HIBADH: variants seen among roughly 807,000 people sequenced by gnomAD.
The protein encoded by HIBADH is 3-hydroxyisobutyrate dehydrogenase.
HIBADH carries 25 observed loss-of-function variants against 36.1 expected under a neutral mutation model. The ratio of observed to expected loss-of-function variants is 0.69; its 90% CI spans 0.50 to 0.97. The LOEUF (loss-of-function observed/expected upper bound fraction) is 0.97, where lower values mean the gene tolerates loss of function less well. Ranked by LOEUF, HIBADH falls within the 50% of genes least tolerant of loss-of-function variation. The probability of loss-of-function intolerance (pLI) is 0.00; values close to 1 mark genes in which losing one functional copy is unlikely to be tolerated. For synonymous variants in HIBADH, 160 were observed against 149.5 expected (o/e 1.07, Z -0.51); for missense variants, 421 against 418.0 (o/e 1.01, Z -0.06).
intron 4 of HIBADH, among the ~76,000 whole-genome samples, chr7:27,599,609 G>C (rs1247564186): frequency 6.7e-6 from 1 of 148,834 alleles, no homozygotes. Context: ...GTGAACCCGG[G>C]AGGCGGAGCT....
intron 2 of HIBADH, among the ~76,000 whole-genome samples, chr7:27,645,881 A>G (rs1267623058): frequency 6.6e-6 from 1 of 152,102 alleles, no homozygotes; most frequent in Non-Finnish European, 1.5e-5. Flanking sequence ...TGATTTGCAA[A>G]TATTTTATCC....
At chr7:27,609,301 C>T (rs2391446) in intron 4 of HIBADH, among the ~76,000 whole-genome samples, 120,795 of 152,110 alleles carry the variant, frequency 0.79, 48,357 homozygotes, top group East Asian at 0.97. Context: ...ATATGAATTA[C>T]TGTCTATGAC....
chr7:27,638,548 C>A (rs1171537470), intron 2 of HIBADH, among the ~76,000 whole-genome samples: 1 of 151,968 alleles, frequency 6.6e-6, no homozygotes, highest in Non-Finnish European at 1.5e-5. Flanking sequence ...GATTTCAAGA[C>A]AAAGATATCA....
intron 2 of HIBADH, among the ~76,000 whole-genome samples, chr7:27,644,625 C>T (rs1481581075): frequency 2.2e-5 from 3 of 137,362 alleles, no homozygotes; most frequent in Non-Finnish European, 4.6e-5. Flanking sequence ...ATTAGCTGGG[C>T]GTGGTGGCGC....
Position 27,585,592 on chromosome 7 carries a change from TG to T in HIBADH, c.485-42493del, listed in dbSNP as rs1229764390. On this transcript the variant is annotated intron_variant, in intron 4 of 7. Coordinates refer to ENST00000265395, the MANE Select transcript of HIBADH (RefSeq NM_152740.4). ...ATATTATTTACCCTGTCTAATTCAC[TG>T]GGATGATATGAGAAATAATTAGGAA... Among the ~76,000 whole-genome samples the T allele has an allele frequency of 2.0e-5, 3 of 152,102 alleles. No individual in the cohort carries two copies. The East Asian group carries it at 5.8e-4, about 29-fold the overall frequency.
intron 4 of HIBADH, among the ~76,000 whole-genome samples, chr7:27,613,141 A>AATATATTTTATATAAATATATATATTTAT (rs1235467357): frequency 5.1e-5 from 6 of 118,746 alleles, no homozygotes; most frequent in Non-Finnish European, 8.6e-5. Flanking sequence ...TATTTATATA[A>AATATATTTTATATAAATATATATATTTAT]ATATATTTTA....
chr7:27,544,271 A>C (rs951304089), intron 4 of HIBADH, among the ~76,000 whole-genome samples: 5 of 152,220 alleles, frequency 3.3e-5, no homozygotes, highest in Admixed American at 2.6e-4. Context: ...CTATTGTCAA[A>C]TCAAATAGCT....
intron 4 of HIBADH, among the ~76,000 whole-genome samples, chr7:27,565,829 A>T (rs1364530442): frequency 6.6e-6 from 1 of 152,038 alleles, no homozygotes; most frequent in Non-Finnish European, 1.5e-5. Flanking sequence ...TTCTATTCCT[A>T]GTTTGCTGAG....
Position 27,527,917 on chromosome 7 carries a change from CGTTTTTTTT to C in HIBADH, c.853-1554_853-1546del, listed in dbSNP as rs1473133982. ...AGGCATTTGCCACCACCACACCCAGCGTTTTTTTTTTTTTTTTTTTTTTTTAGTAGAGAC... is the reference window on the plus strand; with the variant it reads ...AGGCATTTGCCACCACCACACCCAGCTTTTTTTTTTTTTTTTAGTAGAGAC... On this transcript the variant is annotated intron_variant, in intron 7 of 7. Coordinates refer to ENST00000265395, the MANE Select transcript of HIBADH (RefSeq NM_152740.4). Among the ~76,000 whole-genome samples the C allele has an allele frequency of 5.5e-3, 426 of 77,044 alleles. 66 individuals carry two copies. Among genetic ancestry groups the C allele is most frequent in the East Asian group, 4.6e-3 (14 of 3,020 alleles). 50.5% of individuals were successfully genotyped at this position (77,044 alleles called of 152,430 possible). A position where few individuals can be genotyped will look rare whatever the true frequency, so the allele number is the denominator to read the frequency against.
At chr7:27,623,161 A>T (rs1312769962) in intron 4 of HIBADH, among the ~76,000 whole-genome samples, 1 of 152,238 alleles carries the variant, frequency 6.6e-6, no homozygotes, top group Non-Finnish European at 1.5e-5. Context: ...AAACCGTATG[A>T]TCATCTCAAT....
intron 4 of HIBADH, among the ~76,000 whole-genome samples, chr7:27,615,221 GACAGGAGGCCACCAAGGA>G (rs1341316139): frequency 6.6e-6 from 1 of 152,108 alleles, no homozygotes; most frequent in Non-Finnish European, 1.5e-5. Context: ...CTATGAAGAA[GACAGGAGGCCACCAAGGA>G]ACGAGACTGA....
intron 4 of HIBADH, among the ~76,000 whole-genome samples, chr7:27,563,961 C>A (rs892903461): frequency 1.3e-5 from 2 of 148,298 alleles, no homozygotes; most frequent in Non-Finnish European, 3.0e-5. Context: ...TGCAGTGGCA[C>A]GATCTCGGCT....
At position 27,629,428 on chromosome 7, in the gene HIBADH, AT is replaced by A; in HGVS notation, c.426del (p.Glu142AspfsTer22). On this transcript the variant is annotated frameshift_variant, in exon 4 of 8. Transcript: ENST00000265395. LOFTEE classifies it high-confidence loss of function. ...SSTIDPAVSKELAKEVEKMGA... is the reference protein window; with the variant it reads ...SSTIDPAVSKXLAKEVEKMGA... Reference sequence around the variant, plus strand: ...CCCATTTTCTCAACTTCTTTGGCCAATTCTTTTGAAACTGCAGGATCAATAG... The same window carrying A: ...CCCATTTTCTCAACTTCTTTGGCCAATCTTTTGAAACTGCAGGATCAATAG... The A allele has an allele frequency of 1.2e-6, 2 of 1,612,134 alleles. No homozygotes were observed. Among genetic ancestry groups the A allele is most frequent in the Non-Finnish European group, 8.5e-7 (1 of 1,178,840 alleles).
intron 4 of HIBADH, among the ~76,000 whole-genome samples, chr7:27,563,425 T>C (rs1201974048): frequency 2.0e-5 from 3 of 152,222 alleles, no homozygotes; most frequent in Admixed American, 6.5e-5. Context: ...AGAGGTAGGA[T>C]TGCTGGAAAC....
chr7:27,591,897 T>C (rs1045351985), intron 4 of HIBADH, among the ~76,000 whole-genome samples: 2 of 152,238 alleles, frequency 1.3e-5, no homozygotes, highest in Admixed American at 1.3e-4. Context: ...ACAGTGATTC[T>C]AGAAGAACCT....
intron 4 of HIBADH, among the ~76,000 whole-genome samples, chr7:27,592,579 T>C (rs1346191083): frequency 6.6e-6 from 1 of 152,168 alleles, no homozygotes; most frequent in Non-Finnish European, 1.5e-5. Context: ...GGCTGACTTC[T>C]TGTAAAGCCT....
intron 1 of HIBADH, among the ~76,000 whole-genome samples, chr7:27,660,061 G>T (rs1483317143): frequency 6.6e-6 from 1 of 152,092 alleles, no homozygotes; most frequent in Non-Finnish European, 1.5e-5. Context: ...TCTCTAAAAT[G>T]TATTTATAAA....
At chr7:27,657,314 C>G (rs953405618) in intron 1 of HIBADH, among the ~76,000 whole-genome samples, 1 of 151,976 alleles carries the variant, frequency 6.6e-6, no homozygotes, top group Admixed American at 6.6e-5. Context: ...ACAGACAAAC[C>G]TAGAGAGAGA....
At chr7:27,540,546 A>G (rs1435856200) in intron 5 of HIBADH, among the ~76,000 whole-genome samples, 5 of 152,242 alleles carry the variant, frequency 3.3e-5, no homozygotes, top group Non-Finnish European at 5.9e-5. Context: ...GCAGGAATTT[A>G]CTGTTAGGGG....
Sources: gnomAD v4.1 joint callset for allele counts (sites outside exome capture counted in the v4.1 genomes callset) on GRCh38, gnomAD v4.1.1 for gene constraint, MANE v1.5 for transcripts, NCBI Gene and HGNC (gene_info 2026-07-23, HGNC 2026-07-21) for gene names.